The following SH2B3 variants were observed in gnomAD, a reference collection of about 807,000 sequenced individuals.
The protein encoded by SH2B3 is SH2B adapter protein 3.
Under a neutral mutation model 51.9 loss-of-function variants are expected in SH2B3, and 43 were observed. The ratio of observed to expected loss-of-function variants is 0.83; its 90% CI spans 0.65 to 1.07. The LOEUF is 1.07. SH2B3 is among the 50% of genes least tolerant of loss of function. The pLI is 0.00. For missense variants in SH2B3, 952 were observed against 834.3 expected, an observed-to-expected ratio of 1.14 and a Z score of -1.74; for synonymous variants, 396 against 376.0, an observed-to-expected ratio of 1.05 and a Z score of -0.62.
chr12:111,406,898 G>C lies in SH2B3; in HGVS notation c.-28+621G>C, dbSNP rs1870293055. On this transcript the variant is annotated intron_variant, in intron 1 of 7. Coordinates refer to ENST00000341259, the MANE Select transcript of SH2B3 (RefSeq NM_005475.3). This position sits in a 1 kb window ranked among gnomAD's most constrained non-coding sequence, Gnocchi z 5.7. ...GTCCCAGAGACAGGTTTCTGGTATT[G>C]ATCCTCTCACACCTCTTGCCTGGGG... is the stretch of plus-strand genomic sequence containing the variant. Among the ~76,000 whole-genome samples the C allele has an allele frequency of 6.6e-6, 1 of 152,196 alleles. No homozygotes were observed. Among genetic ancestry groups the C allele is most frequent in the Non-Finnish European group, 1.5e-5 (1 of 68,038 alleles).
intron 2 of SH2B3, among the ~76,000 whole-genome samples, chr12:111,433,500 A>G (rs981209943): frequency 2.6e-5 from 4 of 152,004 alleles, no homozygotes; most frequent in Non-Finnish European, 5.9e-5. Flanking sequence ...TGTCTTCTTG[A>G]TTGTAGCCAT....
Position 111,447,543 on chromosome 12 carries a change from AGGTAT to A in SH2B3, c.1236+2_1236+6del, listed in dbSNP as rs757966138. ...ACTTTCAACTTTCAGGGGATAGCCA[AGGTAT>A]GGGGTGGGGTGGGGTGGGGTGGGGC... On this transcript the variant is annotated splice_donor_variant and splice_donor_region_variant and coding_sequence_variant and intron_variant, in exon 6 of 8. Transcript: ENST00000341259. LOFTEE classifies it high-confidence loss of function. 1.9e-6 allele frequency: 1 copy of A among 539,424 alleles called. No individual in the cohort carries two copies. The highest frequency in any genetic ancestry group is 2.9e-6 in the Non-Finnish European group (1 of 339,162). The allele number at this position is 539,424 out of a possible 1,614,324, so 33.4% of individuals were successfully genotyped here. A position where few individuals can be genotyped will look rare whatever the true frequency, so the allele number is the denominator to read the frequency against.
In SH2B3 at chr12:111,418,304, G is replaced by C. The variant is rs747204098; in HGVS notation, c.159G>C (p.Pro53=). The part of the protein sequence containing the change: ...RQYWLFAREH[P]QHAPLRAELV... The stretch of plus-strand genomic sequence containing the variant: ...ACTGGCTGTTCGCCCGGGAGCATCC[G>C]CAGCACGCGCCGCTGCGCGCCGAGC... Residue 53 remains proline (P), a synonymous_variant, in exon 2 of 8, where the codon CCG becomes CCC. Transcript: ENST00000341259. This position sits in a 1 kb window ranked among gnomAD's most constrained non-coding sequence, Gnocchi z 6.7. The C allele has an allele frequency of 1.3e-6, 2 of 1,531,800 alleles. No individual in the cohort carries two copies. The highest frequency in any genetic ancestry group is 1.2e-5 in the South Asian group (1 of 84,128). The allele number at this position is 1,531,800 out of a possible 1,614,324, so 94.9% of individuals were successfully genotyped here.
At chr12:111,441,021 G>A (rs1873358190) in intron 2 of SH2B3, among the ~76,000 whole-genome samples, 1 of 152,132 alleles carries the variant, frequency 6.6e-6, no homozygotes, top group East Asian at 1.9e-4. Flanking sequence ...ACTCTTGCTT[G>A]AGCCCAGGAG....
At chr12:111,434,661 C>T (rs1872711780) in intron 2 of SH2B3, 1 of 490,928 alleles carries the variant, frequency 2.0e-6, no homozygotes, top group African/African-American at 2.1e-5. Flanking sequence ...AAAGGCCTTT[C>T]CCCACCCAGG....
chr12:111,447,548 T>TGG lies in SH2B3; in HGVS notation c.1236+7_1236+8dup. On this transcript the variant is annotated splice_donor_region_variant and intron_variant, in intron 6 of 7. Transcript: ENST00000341259. Reference sequence around the variant, plus strand: ...CAACTTTCAGGGGATAGCCAAGGTATGGGGTGGGGTGGGGTGGGGTGGGGC... The same window carrying TGG: ...CAACTTTCAGGGGATAGCCAAGGTATGGGGGGTGGGGTGGGGTGGGGTGGGGC... The TGG allele has an allele frequency of 1.4e-5, 1 of 69,762 alleles. No individual in the cohort carries two copies. The highest frequency in any genetic ancestry group is 2.4e-5 in the Non-Finnish European group (1 of 41,846). 4.3% of individuals were successfully genotyped at this position (69,762 alleles called of 1,614,324 possible).
At chr12:111,433,156 A>G (rs1872613983) in intron 2 of SH2B3, among the ~76,000 whole-genome samples, 1 of 152,246 alleles carries the variant, frequency 6.6e-6, no homozygotes. Flanking sequence ...GTTTGAGACC[A>G]GCCTGGCCAA....
In SH2B3 at chr12:111,447,107, C is replaced by T. The variant is rs755307070; in HGVS notation, c.927-18C>T. 5.6e-6 allele frequency: 9 copies of T among 1,612,344 alleles called. No homozygotes were observed. The highest frequency in any genetic ancestry group is 7.6e-6 in the Non-Finnish European group (9 of 1,178,380). ...CCTGACCTGCCCAGATCCTTAACCT[C>T]AGCCTCTTCTCCAGCAGGCTGGAGA... is the stretch of plus-strand genomic sequence containing the variant. On this transcript the variant is annotated intron_variant, in intron 4 of 7. Transcript: ENST00000341259.
intron 2 of SH2B3, among the ~76,000 whole-genome samples, chr12:111,430,706 C>T (rs1872406088): frequency 6.6e-6 from 1 of 152,188 alleles, no homozygotes; most frequent in Non-Finnish European, 1.5e-5. Context: ...CTTGGCCTCT[C>T]TGCGCCTCAG....
chr12:111,414,327 C>T (rs571522389), intron 1 of SH2B3, among the ~76,000 whole-genome samples: 3 of 152,200 alleles, frequency 2.0e-5, no homozygotes, highest in South Asian at 4.1e-4. Context: ...CACGGTGGCT[C>T]ATGCCTGTAA....
chr12:111,446,297 C>T (rs561612053), intron 2 of SH2B3, among the ~76,000 whole-genome samples: 12 of 152,308 alleles, frequency 7.9e-5, no homozygotes, highest in African/African-American at 2.4e-4. Context: ...CCCTATGTGC[C>T]GGGTGTCCTG....
rs1870593110 is a variant in SH2B3, at chr12:111,410,288, G to C, written c.-28+4011G>C. 6.6e-6 allele frequency among the ~76,000 whole-genome samples: 1 copy of C among 152,162 alleles called. No homozygotes were observed. Among genetic ancestry groups the C allele is most frequent in the Non-Finnish European group, 1.5e-5 (1 of 68,014 alleles). On this transcript the variant is annotated intron_variant, in intron 1 of 7. Coordinates refer to ENST00000341259, the MANE Select transcript of SH2B3 (RefSeq NM_005475.3). This position sits in a 1 kb window ranked among gnomAD's most constrained non-coding sequence, Gnocchi z 4.9. Reference sequence around the variant, plus strand: ...CACTGGTGTCATCTCAAGGAGGAGAGGCCCAGAGAGGGCAGTGTATGCTGC... The same window carrying C: ...CACTGGTGTCATCTCAAGGAGGAGACGCCCAGAGAGGGCAGTGTATGCTGC...
rs61142950 is a variant in SH2B3, at chr12:111,417,460, T to TTTTATTTATTTATTTATTTATTTATTTA, written c.-27-655_-27-628dup. Among the ~76,000 whole-genome samples the TTTTATTTATTTATTTATTTATTTATTTA allele has an allele frequency of 1.1e-3, 164 of 147,222 alleles. 1 individual carries two copies. The highest frequency in any genetic ancestry group is 3.5e-3 in the Middle Eastern group (1 of 282). Reference sequence around the variant, plus strand: ...GTGTGCTTGTCATATAGGGCCTTTATTTTATTTATTTATTTATTTATTTAT... The same window carrying TTTTATTTATTTATTTATTTATTTATTTA: ...GTGTGCTTGTCATATAGGGCCTTTATTTTATTTATTTATTTATTTATTTATTTATTTATTTATTTATTTATTTATTTAT... On this transcript the variant is annotated intron_variant, in intron 1 of 7. Transcript: ENST00000341259.
In SH2B3 at chr12:111,418,185, G is replaced by A. The variant is rs1004764255; in HGVS notation, c.40G>A (p.Ala14Thr). 6.4e-7 allele frequency: 1 copy of A among 1,564,112 alleles called. No homozygotes were observed. Among genetic ancestry groups the A allele is most frequent in the East Asian group, 2.3e-5 (1 of 43,316 alleles). ...CCTGCAGCCCTCCTCGCCCTCTTCC[G>A]CGCCCTCAGCCTCCCCGGCGGCGGC... ...PALQPSSPSS[A>T]PSASPAAAPR... Residue 14 changes from alanine to threonine, a missense_variant, in exon 2 of 8, where the codon GCG becomes ACG. Physicochemically the swap from Ala to Thr is moderately conservative, Grantham distance 58. Transcript: ENST00000341259. The surrounding 1 kb of genome is among the most constrained non-coding windows in gnomAD (Gnocchi z 6.7).
intron 1 of SH2B3, among the ~76,000 whole-genome samples, chr12:111,416,220 G>A (rs913853128): frequency 2.6e-5 from 4 of 152,152 alleles, no homozygotes; most frequent in Non-Finnish European, 4.4e-5. Context: ...GGGATTACAG[G>A]CGTGAGCCAC....
intron 1 of SH2B3, among the ~76,000 whole-genome samples, chr12:111,417,630 G>GT (rs927280539): frequency 1.3e-5 from 2 of 151,784 alleles, no homozygotes; most frequent in African/African-American, 2.4e-5. Flanking sequence ...TTTTGTGTTG[G>GT]TTTTTTTGGA....
Position 111,447,136 on chromosome 12 carries a change from C to G in SH2B3, c.938C>G (p.Thr313Arg). The change falls in exon 5 of 8, where the codon ACA (threonine) becomes AGA (arginine). Residue 313 changes from threonine (T) to arginine (R), a missense_variant. Transcript: ENST00000341259. ...CTCTTCTCCAGCAGGCTGGAGAGCACAGAAGCAGAGATGCATATTCCCTCA... is the reference window on the plus strand; with the variant it reads ...CTCTTCTCCAGCAGGCTGGAGAGCAGAGAAGCAGAGATGCATATTCCCTCA... ...SECTGRGLES[T>R]EAEMHIPSAL... The G allele has an allele frequency of 6.2e-7, 1 of 1,613,812 alleles. No homozygotes were observed. Among genetic ancestry groups the G allele is most frequent in the Non-Finnish European group, 8.5e-7 (1 of 1,179,688 alleles).
rs994802210 is a variant in SH2B3 at position 111,407,670 on chromosome 12, C to G, written c.-28+1393C>G. Among the ~76,000 whole-genome samples the G allele has an allele frequency of 2.6e-5, 4 of 152,208 alleles. No homozygotes were observed. Among genetic ancestry groups the G allele is most frequent in the African/African-American group, 4.8e-5 (2 of 41,448 alleles). Reference sequence around the variant, plus strand: ...TTTCCTGAGCCTTTTCCCACTACCCCCTCTGGGAGGGAAAATCCTTCTGAG... The same window carrying G: ...TTTCCTGAGCCTTTTCCCACTACCCGCTCTGGGAGGGAAAATCCTTCTGAG... On this transcript the variant is annotated intron_variant, in intron 1 of 7. Transcript: ENST00000341259. The surrounding 1 kb of genome is among the most constrained non-coding windows in gnomAD (Gnocchi z 4.3).
chr12:111,442,661 C>T (rs1873538515), intron 2 of SH2B3, among the ~76,000 whole-genome samples: 1 of 152,220 alleles, frequency 6.6e-6, no homozygotes, highest in Non-Finnish European at 1.5e-5. Context: ...GGACAGCCAG[C>T]AGGCCTGCTC....
Sources: gnomAD v4.1 joint callset for allele counts (sites outside exome capture counted in the v4.1 genomes callset) on GRCh38, gnomAD v4.1.1 for gene constraint, Gnocchi (gnomAD v3.1) non-coding constraint, MANE v1.5 for transcripts, NCBI Gene and HGNC (gene_info 2026-07-23, HGNC 2026-07-21) for gene names.